SDK1: variants seen among roughly 807,000 people sequenced by gnomAD.
SDK1 encodes the protein protein sidekick-1.
A neutral mutation model predicts 245.5 loss-of-function variants in SDK1; 157 were observed. The ratio of observed to expected loss-of-function variants is 0.64; its 90% CI spans 0.56 to 0.73. The LOEUF (loss-of-function observed/expected upper bound fraction) is 0.73, where lower values mean the gene tolerates loss of function less well. Ranked by LOEUF, SDK1 falls within the 30% of genes least tolerant of loss-of-function variation. SDK1 has a pLI of 0.00. For synonymous variants in SDK1, 1,647 were observed against 1,278.5 expected (o/e 1.29, Z -6.15); for missense variants, 3,583 against 3,002.3 (o/e 1.19, Z -4.52).
intron 1 of SDK1, among the ~76,000 whole-genome samples, chr7:3,498,263 G>A (rs1782085675): frequency 6.6e-6 from 1 of 152,122 alleles, no homozygotes; most frequent in African/African-American, 2.4e-5. Context: ...CATAGACATA[G>A]ATTTTATCTC....
chr7:3,686,203 G>C (rs1363138623), intron 4 of SDK1, among the ~76,000 whole-genome samples: 1 of 152,162 alleles, frequency 6.6e-6, no homozygotes, highest in Non-Finnish European at 1.5e-5. Flanking sequence ...AGCCTCCCGA[G>C]TAGCTGGGAT....
At chr7:3,784,551 G>T (rs1780842806) in intron 4 of SDK1, among the ~76,000 whole-genome samples, 1 of 151,982 alleles carries the variant, frequency 6.6e-6, no homozygotes, top group Admixed American at 6.6e-5. Context: ...ATGGACAAGG[G>T]ACTGGAATAG....
chr7:3,997,721 G>A (rs1320972255), intron 14 of SDK1, among the ~76,000 whole-genome samples: 1 of 152,124 alleles, frequency 6.6e-6, no homozygotes, highest in East Asian at 1.9e-4. Context: ...CCTGGAAAAG[G>A]CACCACAAGT....
intron 4 of SDK1, among the ~76,000 whole-genome samples, chr7:3,671,026 C>G (rs1228389947): frequency 1.3e-5 from 2 of 152,266 alleles, no homozygotes; most frequent in Middle Eastern, 3.4e-3. Flanking sequence ...CATTGCATAA[C>G]TAGTTCCTTG....
rs961479668 is a variant in SDK1, at chr7:3,974,242, C to T, written c.1818-127C>T. 1.4e-4 allele frequency: 90 copies of T among 665,168 alleles called. No individual in the cohort carries two copies. The African/African-American group carries it at 1.6e-3, about 12-fold the overall frequency. The allele number at this position is 665,168 out of a possible 1,614,324, so 41.2% of individuals were successfully genotyped here. Reference sequence around the variant, plus strand: ...AAAGAAAAATCACTCTTTTAAAGAGCACAGTTCAGTGGTTTTTAAAGTCCA... The same window carrying T: ...AAAGAAAAATCACTCTTTTAAAGAGTACAGTTCAGTGGTTTTTAAAGTCCA... On this transcript the variant is annotated intron_variant, in intron 12 of 44. Transcript: ENST00000404826.
intron 1 of SDK1, among the ~76,000 whole-genome samples, chr7:3,509,085 CGTGT>C (rs142827941): frequency 2.7e-5 from 4 of 149,310 alleles, no homozygotes; most frequent in African/African-American, 5.0e-5. Context: ...TGTGTGTGTG[CGTGT>C]GTGTGTGTGT....
chr7:4,238,190 C>T (rs1786299875), intron 42 of SDK1, among the ~76,000 whole-genome samples: 1 of 152,108 alleles, frequency 6.6e-6, no homozygotes, highest in South Asian at 2.1e-4. Context: ...AGTGATTCTC[C>T]TGCCTCAGCC....
At chr7:4,070,381 C>G (rs1054243678) in intron 20 of SDK1, among the ~76,000 whole-genome samples, 1 of 152,194 alleles carries the variant, frequency 6.6e-6, no homozygotes, top group Non-Finnish European at 1.5e-5. Context: ...TATCCAAGGA[C>G]TCGTGGCATG....
chr7:3,784,688 C>T (rs946323852), intron 4 of SDK1, among the ~76,000 whole-genome samples: 6 of 152,158 alleles, frequency 3.9e-5, no homozygotes, highest in South Asian at 2.1e-4. Flanking sequence ...GTCAGAATAG[C>T]TGTTTTCAAA....
chr7:3,547,097 A>G (rs1430856978), intron 1 of SDK1, among the ~76,000 whole-genome samples: 3 of 152,208 alleles, frequency 2.0e-5, no homozygotes, highest in African/African-American at 4.8e-5. Flanking sequence ...GACCTTGTCT[A>G]CACTTAGAGT....
At chr7:3,612,165 C>G (rs979644260) in intron 1 of SDK1, among the ~76,000 whole-genome samples, 11 of 152,074 alleles carry the variant, frequency 7.2e-5, no homozygotes, top group Admixed American at 3.3e-4. Flanking sequence ...ATGAGTGTAC[C>G]AAAATCTCAC....
intron 4 of SDK1, among the ~76,000 whole-genome samples, chr7:3,712,145 C>T (rs559023868): frequency 3.2e-4 from 48 of 152,116 alleles, no homozygotes; most frequent in African/African-American, 1.0e-3. Flanking sequence ...CAGCAGGAGG[C>T]GCAGGGTGGG....
intron 1 of SDK1, among the ~76,000 whole-genome samples, chr7:3,331,850 A>G (rs1319518117): frequency 1.3e-5 from 2 of 152,206 alleles, no homozygotes; most frequent in East Asian, 3.8e-4. Flanking sequence ...TTATTTGGAA[A>G]TACTTTTAAA....
Position 3,826,466 on chromosome 7 carries a change from C to T in SDK1, c.847+4883C>T, listed in dbSNP as rs377381972. On this transcript the variant is annotated intron_variant, in intron 5 of 44. Coordinates refer to ENST00000404826, the MANE Select transcript of SDK1 (RefSeq NM_152744.4). ...TTCTTGGCGACGTGGCTTCTACTAACGACACAAGTGTTCCTGCTGCCGTTT... is the reference window on the plus strand; with the variant it reads ...TTCTTGGCGACGTGGCTTCTACTAATGACACAAGTGTTCCTGCTGCCGTTT... Among the ~76,000 whole-genome samples, 28 of 152,306 alleles carry T rather than the reference C, an allele frequency of 1.8e-4. No homozygotes were observed. In the East Asian group the frequency reaches 4.0e-3, roughly 22 times the overall value.
chr7:3,698,301 G>T (rs1434841338), intron 4 of SDK1, among the ~76,000 whole-genome samples: 2 of 152,338 alleles, frequency 1.3e-5, no homozygotes, highest in Admixed American at 6.5e-5. Flanking sequence ...AAAGAAGGAT[G>T]GGTGTGGGGC....
intron 4 of SDK1, among the ~76,000 whole-genome samples, chr7:3,816,291 C>A (rs1402123551): frequency 5.3e-5 from 8 of 151,716 alleles, no homozygotes; most frequent in Non-Finnish European, 7.4e-5. Context: ...CCTTCAAAAA[C>A]TCAATGAATC....
intron 1 of SDK1, among the ~76,000 whole-genome samples, chr7:3,357,174 C>T (rs901596305): frequency 1.3e-5 from 2 of 150,986 alleles, no homozygotes; most frequent in East Asian, 1.9e-4. Context: ...CTTTCTTTTC[C>T]TTTTGGAATC....
intron 4 of SDK1, among the ~76,000 whole-genome samples, chr7:3,752,626 A>G (rs560403330): frequency 6.6e-6 from 1 of 152,218 alleles, no homozygotes; most frequent in Non-Finnish European, 1.5e-5. Flanking sequence ...TCTAGCATGG[A>G]TTTACGTCAT....
intron 38 of SDK1, 114 bp downstream of exon 38, chr7:4,210,276 C>T: frequency 8.8e-7 from 1 of 1,142,188 alleles, no homozygotes; most frequent in Non-Finnish European, 1.1e-6. Context: ...CCTTCTGGCG[C>T]CTGAAGTGGG....
Sources: gnomAD v4.1 joint callset for allele counts (sites outside exome capture counted in the v4.1 genomes callset) on GRCh38, gnomAD v4.1.1 for gene constraint, MANE v1.5 for transcripts, NCBI Gene and HGNC (gene_info 2026-07-23, HGNC 2026-07-21) for gene names.